COL23A1: variants seen among roughly 807,000 people sequenced by gnomAD.
COL23A1 encodes collagen alpha-1(XXIII) chain.
A neutral mutation model predicts 99.3 loss-of-function variants in COL23A1; 97 were observed. That is an observed-to-expected ratio of 0.98 (90% confidence interval 0.83 to 1.16). COL23A1 has a LOEUF of 1.16. COL23A1 is among the 50% of genes most tolerant of loss of function. The pLI, the probability that COL23A1 is intolerant of heterozygous loss-of-function variation, is 0.00. For missense variants in COL23A1, 762 were observed against 757.4 expected, an observed-to-expected ratio of 1.01 and a Z score of -0.07; for synonymous variants, 320 against 308.2, an observed-to-expected ratio of 1.04 and a Z score of -0.40.
chr5:178,349,577 G>T (rs1761197318), intron 2 of COL23A1, among the ~76,000 whole-genome samples: 2 of 127,780 alleles, frequency 1.6e-5, no homozygotes, highest in African/African-American at 5.6e-5. Flanking sequence ...CGTGCCTCCC[G>T]CTTCCTGCCT....
At position 178,358,310 on chromosome 5, in the gene COL23A1, G is replaced by A. The variant is rs1030093733; in HGVS notation, c.362-51391C>T. On this transcript the variant is annotated intron_variant, in intron 2 of 28. Coordinates refer to ENST00000390654, the MANE Select transcript of COL23A1 (RefSeq NM_173465.4). ...TGTGCGTATATGTATGTATGTATGT[G>A]TGTGTATGTGTATGTGTATGTATGT... Among the ~76,000 whole-genome samples the A allele has an allele frequency of 2.4e-4, 35 of 148,598 alleles. 2 individuals are homozygous for A. Among genetic ancestry groups the A allele is most frequent in the South Asian group, 8.7e-4 (4 of 4,580 alleles).
In COL23A1 at chr5:178,452,584, A is replaced by G. The variant is rs951754426; in HGVS notation, c.361+108098T>C. The stretch of plus-strand genomic sequence containing the variant: ...CACTGGGAAGAAATACACTCCATTC[A>G]TTCATAACAGAGCTTATTTCTGTAA... On this transcript the variant is annotated intron_variant, in intron 2 of 28. Coordinates refer to ENST00000390654, the MANE Select transcript of COL23A1 (RefSeq NM_173465.4). Among the ~76,000 whole-genome samples, 5 of 152,380 alleles carry G rather than the reference A, an allele frequency of 3.3e-5. No individual in the cohort carries two copies. In the East Asian group the frequency reaches 9.6e-4, roughly 29 times the overall value.
chr5:178,288,032 C>G (rs137921205), intron 5 of COL23A1, among the ~76,000 whole-genome samples: 2 of 152,204 alleles, frequency 1.3e-5, no homozygotes, highest in Non-Finnish European at 2.9e-5. Context: ...CGCCACAGTG[C>G]GGGGGCTGGA....
At chr5:178,420,361 T>TC (rs1581355086) in intron 2 of COL23A1, among the ~76,000 whole-genome samples, 2 of 58,258 alleles carry the variant, frequency 3.4e-5, no homozygotes, top group East Asian at 5.0e-4. Context: ...CCCCTGCCCC[T>TC]CCTCTCTTTC....
At chr5:178,470,839 T>C (rs1244783244) in intron 2 of COL23A1, among the ~76,000 whole-genome samples, 1 of 152,220 alleles carries the variant, frequency 6.6e-6, no homozygotes, top group Non-Finnish European at 1.5e-5. Flanking sequence ...CCGTTCATGC[T>C]GAGAGCTGCG....
chr5:178,475,634 G>C (rs1225475236), intron 2 of COL23A1, among the ~76,000 whole-genome samples: 2 of 152,182 alleles, frequency 1.3e-5, no homozygotes, highest in Non-Finnish European at 2.9e-5. Context: ...CATAAACTCA[G>C]CAGCTTAAAG....
intron 2 of COL23A1, among the ~76,000 whole-genome samples, chr5:178,386,102 G>A (rs546461076): frequency 2.6e-5 from 4 of 152,118 alleles, no homozygotes; most frequent in South Asian, 2.1e-4. Flanking sequence ...TATCCAACCC[G>A]GGCTTCGTGT....
At chr5:178,502,256 C>T (rs955940583) in intron 2 of COL23A1, among the ~76,000 whole-genome samples, 11 of 152,148 alleles carry the variant, frequency 7.2e-5, no homozygotes, top group Non-Finnish European at 1.3e-4. Context: ...CTCAGCCTCC[C>T]TAGCAGCTGG....
At chr5:178,287,075 C>G (rs1328332819) in intron 5 of COL23A1, among the ~76,000 whole-genome samples, 1 of 152,226 alleles carries the variant, frequency 6.6e-6, no homozygotes, top group Non-Finnish European at 1.5e-5. Context: ...CTGTGCTTCC[C>G]CAAGATGCTG....
At chr5:178,345,056 T>C (rs1404635722) in intron 2 of COL23A1, 24 of 586,158 alleles carry the variant, frequency 4.1e-5, no homozygotes, top group Non-Finnish European at 7.6e-5. Context: ...TCATTTGGAA[T>C]CTTATGTTAA....
chr5:178,347,771 C>T (rs1373673743), intron 2 of COL23A1, among the ~76,000 whole-genome samples: 1 of 151,066 alleles, frequency 6.6e-6, no homozygotes, highest in Non-Finnish European at 1.5e-5. Flanking sequence ...ATCCCAGCTA[C>T]TCGGGAGGCT....
In COL23A1 at chr5:178,468,802, G is replaced by C. The variant is rs1415921428; in HGVS notation, c.361+91880C>G. 6.6e-6 allele frequency among the ~76,000 whole-genome samples: 1 copy of C among 152,188 alleles called. No homozygotes were observed. The highest frequency in any genetic ancestry group is 6.5e-5 in the Admixed American group (1 of 15,286). On this transcript the variant is annotated intron_variant, in intron 2 of 28. Coordinates refer to ENST00000390654, the MANE Select transcript of COL23A1 (RefSeq NM_173465.4). This position sits in a 1 kb window ranked among gnomAD's most constrained non-coding sequence, Gnocchi z 4.2. The stretch of plus-strand genomic sequence containing the variant: ...CATCTTCACCATTTTTACGGGTACA[G>C]CTCAGTGCATCAGGTGCATTCACAC...
intron 2 of COL23A1, among the ~76,000 whole-genome samples, chr5:178,325,248 G>C (rs1759581216): frequency 6.6e-6 from 1 of 152,106 alleles, no homozygotes; most frequent in African/African-American, 2.4e-5. Flanking sequence ...CTTTAGTCAG[G>C]GCCATCCTTC....
rs548547425 is a variant in COL23A1, at chr5:178,415,085, C to G, written c.362-108166G>C. 9.2e-5 allele frequency among the ~76,000 whole-genome samples: 14 copies of G among 152,290 alleles called. 1 individual carries two copies. The South Asian group carries it at 2.9e-3, about 32-fold the overall frequency. On this transcript the variant is annotated intron_variant, in intron 2 of 28. Coordinates refer to ENST00000390654, the MANE Select transcript of COL23A1 (RefSeq NM_173465.4). This position sits in a 1 kb window ranked among gnomAD's most constrained non-coding sequence, Gnocchi z 4.6. ...TTAAACAGTTTGTGCCTCAGTTTCTCAGCACGAAACCCGGAATATGTGAGT... is the reference window on the plus strand; with the variant it reads ...TTAAACAGTTTGTGCCTCAGTTTCTGAGCACGAAACCCGGAATATGTGAGT...
rs750914222 is a variant in COL23A1, at chr5:178,248,172, A to AC, written c.1212+19dup. ...GGACTGGGTGTTGGGGGAAGCCCTG[A>AC]CCCCCCCATACCCCCTTACCAGGCT... is the stretch of plus-strand genomic sequence containing the variant. On this transcript the variant is annotated intron_variant, in intron 20 of 28. Transcript: ENST00000390654. The AC allele has an allele frequency of 1.1e-5, 17 of 1,507,672 alleles. No individual in the cohort carries two copies. The highest frequency in any genetic ancestry group is 3.7e-5 in the Admixed American group (2 of 54,646). 93.4% of individuals were successfully genotyped at this position (1,507,672 alleles called of 1,614,324 possible). A position where few individuals can be genotyped will look rare whatever the true frequency, so the allele number is the denominator to read the frequency against.
In COL23A1 at chr5:178,258,262, T is replaced by TATATAC; in HGVS notation, c.730-696_730-695insGTATAT. Among the ~76,000 whole-genome samples, 280 of 104,074 alleles carry TATATAC rather than the reference T, an allele frequency of 2.7e-3. 19 individuals are homozygous for TATATAC. The highest frequency in any genetic ancestry group is 6.1e-3 in the African/African-American group (203 of 33,230). The allele number at this position is 104,074 out of a possible 152,430, so 68.3% of individuals were successfully genotyped here. ...ATATATATATATATATATATATATA[T>TATATAC]ACACATGCAAATCAATTCTAGGCAC... On this transcript the variant is annotated intron_variant, in intron 12 of 28. Transcript: ENST00000390654.
chr5:178,368,431 CA>C (rs1286924357), intron 2 of COL23A1, among the ~76,000 whole-genome samples: 1 of 152,176 alleles, frequency 6.6e-6, no homozygotes, highest in Non-Finnish European at 1.5e-5. Context: ...CTGATGAACC[CA>C]CACTGACGAG....
intron 2 of COL23A1, among the ~76,000 whole-genome samples, chr5:178,443,724 C>T (rs951500488): frequency 1.3e-5 from 2 of 151,972 alleles, no homozygotes; most frequent in East Asian, 1.9e-4. Context: ...TCCCAAATTG[C>T]TGGGATTACA....
At chr5:178,535,184 C>T (rs546266890) in intron 2 of COL23A1, among the ~76,000 whole-genome samples, 37 of 152,156 alleles carry the variant, frequency 2.4e-4, no homozygotes, top group African/African-American at 7.0e-4. Context: ...ATGTTGACCA[C>T]GTTGGTCTCA....
Sources: gnomAD v4.1 joint callset for allele counts (sites outside exome capture counted in the v4.1 genomes callset) on GRCh38, gnomAD v4.1.1 for gene constraint, Gnocchi (gnomAD v3.1) non-coding constraint, MANE v1.5 for transcripts, NCBI Gene and HGNC (gene_info 2026-07-23, HGNC 2026-07-21) for gene names.